TBC1D5: variants seen among roughly 807,000 people sequenced by gnomAD.
TBC1D5 encodes the protein TBC1 domain family member 5, also known as TBC1 domain family, member 5.
A neutral mutation model predicts 100.3 loss-of-function variants in TBC1D5; 75 were observed. The ratio of observed to expected loss-of-function variants is 0.75; its 90% CI spans 0.62 to 0.91. The LOEUF (loss-of-function observed/expected upper bound fraction) is 0.91, where lower values mean the gene tolerates loss of function less well. Ranked by LOEUF, TBC1D5 falls within the 40% of genes least tolerant of loss-of-function variation. TBC1D5 has a pLI of 0.00. For synonymous variants in TBC1D5, 323 were observed against 325.6 expected, an observed-to-expected ratio of 0.99 and a Z score of 0.09; for missense variants, 910 against 942.4, an observed-to-expected ratio of 0.97 and a Z score of 0.45.
chr3:17,552,849 A>G (rs2096485445), intron 2 of TBC1D5, among the ~76,000 whole-genome samples: 1 of 152,120 alleles, frequency 6.6e-6, no homozygotes, highest in African/African-American at 2.4e-5. Flanking sequence ...AACAGGTAAT[A>G]CAGAGGCCCA....
intron 3 of TBC1D5, among the ~76,000 whole-genome samples, chr3:17,474,834 C>T (rs770297163): frequency 3.9e-5 from 6 of 152,008 alleles, no homozygotes; most frequent in African/African-American, 9.7e-5. Flanking sequence ...AAGGATAATA[C>T]CAATCTATAT....
At chr3:17,507,893 T>A (rs528041150) in intron 3 of TBC1D5, among the ~76,000 whole-genome samples, 2 of 152,146 alleles carry the variant, frequency 1.3e-5, no homozygotes, top group Non-Finnish European at 2.9e-5. Context: ...AGAGTTCTGA[T>A]ACATAAACAT....
At chr3:17,422,188 T>C (rs1179255308) in intron 4 of TBC1D5, among the ~76,000 whole-genome samples, 9 of 152,084 alleles carry the variant, frequency 5.9e-5, no homozygotes, top group Admixed American at 3.9e-4. Flanking sequence ...TTTGTTGTTT[T>C]GAGACAGTTT....
chr3:17,660,496 T>C (rs1008242552), intron 1 of TBC1D5, among the ~76,000 whole-genome samples: 2 of 152,246 alleles, frequency 1.3e-5, no homozygotes, highest in Non-Finnish European at 2.9e-5. Flanking sequence ...TGATTGTTAC[T>C]GGTCCAGAGA....
chr3:17,453,417 A>C (rs2094975639), intron 3 of TBC1D5, among the ~76,000 whole-genome samples: 1 of 152,130 alleles, frequency 6.6e-6, no homozygotes, highest in South Asian at 2.1e-4. Context: ...TAGCCATACT[A>C]ACAAAGAAAA....
chr3:17,280,806 A>T (rs1031187734), intron 15 of TBC1D5, among the ~76,000 whole-genome samples: 1 of 152,066 alleles, frequency 6.6e-6, no homozygotes, highest in Non-Finnish European at 1.5e-5. Flanking sequence ...TGTCACACTG[A>T]CCCTCCACTG....
intron 1 of TBC1D5, chr3:17,706,004 G>T (rs2074104189): frequency 1.4e-5 from 21 of 1,480,670 alleles, no homozygotes; most frequent in Admixed American, 2.2e-5. Context: ...TTGAGACGGA[G>T]TCTTGCTGTC....
rs189131972 is a variant in TBC1D5, at chr3:17,611,501, C to T, written c.-36+12348G>A. Among the ~76,000 whole-genome samples the T allele has an allele frequency of 3.5e-3, 536 of 152,194 alleles. 3 individuals carry two copies. The highest frequency in any genetic ancestry group is 0.012 in the African/African-American group (506 of 41,516). On this transcript the variant is annotated intron_variant, in intron 2 of 21. Transcript: ENST00000253692. ...AGAAGAAATAACCTGAAGAATGTGACGTTTACAGCAGCCAAGAAGGAAAAG... is the reference window on the plus strand; with the variant it reads ...AGAAGAAATAACCTGAAGAATGTGATGTTTACAGCAGCCAAGAAGGAAAAG...
chr3:17,676,627 G>T (rs994520485), intron 1 of TBC1D5, among the ~76,000 whole-genome samples: 2 of 151,980 alleles, frequency 1.3e-5, no homozygotes, highest in East Asian at 1.9e-4. Context: ...CCAATGACTT[G>T]CTTCACAGAA....
At chr3:17,199,964 C>T (rs1350059470) in intron 18 of TBC1D5, among the ~76,000 whole-genome samples, 1 of 152,066 alleles carries the variant, frequency 6.6e-6, no homozygotes, top group East Asian at 1.9e-4. Context: ...GAAATGTGAC[C>T]ATGAAAGCCA....
chr3:17,593,262 C>T (rs560161501), intron 2 of TBC1D5, among the ~76,000 whole-genome samples: 1 of 152,234 alleles, frequency 6.6e-6, no homozygotes, highest in East Asian at 1.9e-4. Context: ...CTGTGGACAA[C>T]ACTCAGCCTC....
chr3:17,349,369 T>A (rs2090287876), intron 13 of TBC1D5, among the ~76,000 whole-genome samples: 1 of 152,222 alleles, frequency 6.6e-6, no homozygotes. Flanking sequence ...GGTTCTGGGA[T>A]GACACTTGAG....
At chr3:17,559,952 T>C (rs1216018571) in intron 2 of TBC1D5, among the ~76,000 whole-genome samples, 1 of 152,138 alleles carries the variant, frequency 6.6e-6, no homozygotes, top group Non-Finnish European at 1.5e-5. Flanking sequence ...AACATTTCAT[T>C]TCTAGTTACT....
chr3:17,464,691 T>C (rs2095273150), intron 3 of TBC1D5, among the ~76,000 whole-genome samples: 1 of 152,180 alleles, frequency 6.6e-6, no homozygotes, highest in Admixed American at 6.5e-5. Context: ...ACCCCTACCA[T>C]GTGATTAAAA....
At chr3:17,486,373 T>C (rs1407503984) in intron 3 of TBC1D5, among the ~76,000 whole-genome samples, 1 of 152,220 alleles carries the variant, frequency 6.6e-6, no homozygotes, top group Non-Finnish European at 1.5e-5. Flanking sequence ...TTGGCTTTTG[T>C]TGCCATTGCT....
chr3:17,398,857 G>C (rs574862817), intron 8 of TBC1D5, among the ~76,000 whole-genome samples: 2 of 151,924 alleles, frequency 1.3e-5, no homozygotes, highest in Non-Finnish European at 2.9e-5. Context: ...TGAATACACT[G>C]ACAGATGGAC....
intron 13 of TBC1D5, among the ~76,000 whole-genome samples, chr3:17,338,746 T>C (rs954173084): frequency 1.3e-5 from 2 of 152,228 alleles, no homozygotes; most frequent in Non-Finnish European, 2.9e-5. Context: ...CTGAAACAAA[T>C]TATGCACATA....
intron 1 of TBC1D5, among the ~76,000 whole-genome samples, chr3:17,628,373 G>GAA (rs34506883): frequency 1.2e-4 from 15 of 122,372 alleles, no homozygotes; most frequent in East Asian, 9.5e-4. Context: ...TCTGTCTTAG[G>GAA]AAAAAAAAAA....
intron 1 of TBC1D5, among the ~76,000 whole-genome samples, chr3:17,698,275 A>G (rs2072487538): frequency 6.6e-6 from 1 of 152,238 alleles, no homozygotes; most frequent in African/African-American, 2.4e-5. Context: ...CAAACCTGAC[A>G]AAAACAAGCA....
Sources: allele counts gnomAD v4.1 joint callset (sites outside exome capture counted in the v4.1 genomes callset), GRCh38; gene constraint gnomAD v4.1.1; transcripts MANE v1.5; gene names NCBI Gene and HGNC (gene_info 2026-07-23, HGNC 2026-07-21).